Variants in DHCR24 observed in about 807,000 individuals in gnomAD.
DHCR24 encodes delta(24)-sterol reductase.
In DHCR24, 28 loss-of-function variants were observed where a neutral mutation model predicts 61.2. That is an observed-to-expected ratio of 0.46 (90% confidence interval 0.34 to 0.63). DHCR24 has a LOEUF of 0.63. Among genes scored for constraint, DHCR24 ranks in the 20% least tolerant of loss-of-function variants. The probability of loss-of-function intolerance (pLI) is 0.01; values close to 1 mark genes in which losing one functional copy is unlikely to be tolerated. For missense variants in DHCR24, 538 were observed against 679.1 expected (o/e 0.79, Z 2.31); for synonymous variants, 261 against 275.9 (o/e 0.95, Z 0.54).
chr1:54,883,529 C>G lies in DHCR24; in HGVS notation c.387+89G>C, dbSNP rs1252649973. 3.3e-6 allele frequency: 5 copies of G among 1,529,986 alleles called. No individual in the cohort carries two copies. Among genetic ancestry groups the G allele is most frequent in the Non-Finnish European group, 3.6e-6 (4 of 1,105,398 alleles). The allele number at this position is 1,529,986 out of a possible 1,614,324, so 94.8% of individuals were successfully genotyped here. ...CATTGGTCCTGTCCACTCTGCAATGCCCTTGGCTAAAATCATCTCCCTATG... is the reference window on the plus strand; with the variant it reads ...CATTGGTCCTGTCCACTCTGCAATGGCCTTGGCTAAAATCATCTCCCTATG... On this transcript the variant is annotated intron_variant, in intron 2 of 8. Coordinates refer to ENST00000371269, the MANE Select transcript of DHCR24 (RefSeq NM_014762.4). The surrounding 1 kb of genome is among the most constrained non-coding windows in gnomAD (Gnocchi z 4.3).
intron 6 of DHCR24, among the ~76,000 whole-genome samples, chr1:54,861,400 A>G (rs1049556033): frequency 2.0e-5 from 3 of 152,086 alleles, no homozygotes; most frequent in African/African-American, 4.8e-5. Flanking sequence ...ACCCTGCCCT[A>G]CATTCACAGT....
intron 1 of DHCR24, among the ~76,000 whole-genome samples, chr1:54,886,463 C>T (rs997391929): frequency 2.0e-5 from 3 of 152,214 alleles, no homozygotes; most frequent in African/African-American, 7.2e-5. Flanking sequence ...CCCGCCCCTG[C>T]CCTGCACTTG....
chr1:54,871,056 C>G (rs1395857569), intron 5 of DHCR24, among the ~76,000 whole-genome samples: 1 of 152,230 alleles, frequency 6.6e-6, no homozygotes, highest in East Asian at 1.9e-4. Flanking sequence ...TACATTACCT[C>G]TTGAAGACTC....
intron 6 of DHCR24, among the ~76,000 whole-genome samples, chr1:54,859,939 G>T (rs1362924565): frequency 6.6e-6 from 1 of 152,168 alleles, no homozygotes; most frequent in Non-Finnish European, 1.5e-5. Context: ...GATCAAGAAG[G>T]ACTCATAGTG....
intron 4 of DHCR24, among the ~76,000 whole-genome samples, chr1:54,872,405 C>A (rs1034549455): frequency 1.3e-5 from 2 of 152,016 alleles, no homozygotes; most frequent in Non-Finnish European, 1.5e-5. Flanking sequence ...TTGAAAAAGT[C>A]CAGCCATGTC....
intron 2 of DHCR24, among the ~76,000 whole-genome samples, chr1:54,880,388 G>C (rs1647057679): frequency 1.3e-5 from 2 of 152,180 alleles, no homozygotes; most frequent in South Asian, 4.1e-4. Context: ...TCACTTTAAG[G>C]TTTCTATAAA....
At chr1:54,882,279 G>A (rs1269450698) in intron 2 of DHCR24, among the ~76,000 whole-genome samples, 1 of 152,140 alleles carries the variant, frequency 6.6e-6, no homozygotes, top group Non-Finnish European at 1.5e-5. Context: ...AGGGAAATGT[G>A]AATTAAAATT....
At position 54,849,949 on chromosome 1, in the gene DHCR24, T is replaced by C. The variant is rs903271675; in HGVS notation, c.*2284A>G. 4 of 152,592 alleles carry C rather than the reference T, an allele frequency of 2.6e-5. No individual in the cohort carries two copies. The highest frequency in any genetic ancestry group is 7.2e-5 in the African/African-American group (3 of 41,460). The allele number at this position is 152,592 out of a possible 1,614,324, so 9.5% of individuals were successfully genotyped here. ...TCTGGAGGGGAGAGCCTTACTCTGATACTTTCCACATGCACTGCCCACTGG... is the reference window on the plus strand; with the variant it reads ...TCTGGAGGGGAGAGCCTTACTCTGACACTTTCCACATGCACTGCCCACTGG... On this transcript the variant is annotated 3_prime_UTR_variant, in exon 9 of 9. Transcript: ENST00000371269.
chr1:54,866,379 C>T (rs1161443584), intron 5 of DHCR24, among the ~76,000 whole-genome samples: 8 of 149,906 alleles, frequency 5.3e-5, no homozygotes, highest in African/African-American at 1.2e-4. Flanking sequence ...GACAGAGTCT[C>T]GCTCTGTCGC....
At chr1:54,886,541 C>G (rs1385865522) in intron 1 of DHCR24, 10 of 1,244,466 alleles carry the variant, frequency 8.0e-6, no homozygotes, top group Non-Finnish European at 1.1e-5. Flanking sequence ...ATTTCCCATA[C>G]TTCCCAATCT....
At chr1:54,872,544 C>T (rs1461403492) in intron 4 of DHCR24, among the ~76,000 whole-genome samples, 4 of 152,126 alleles carry the variant, frequency 2.6e-5, no homozygotes, top group Non-Finnish European at 5.9e-5. Flanking sequence ...TGGCAGAAAC[C>T]TCAGGAACAG....
intron 6 of DHCR24, among the ~76,000 whole-genome samples, chr1:54,856,170 G>A (rs999766724): frequency 2.6e-5 from 4 of 152,140 alleles, no homozygotes; most frequent in Admixed American, 2.6e-4. Flanking sequence ...CCACAAATTC[G>A]GCCCACCCTC....
chr1:54,863,559 C>T (rs190078877), intron 6 of DHCR24, among the ~76,000 whole-genome samples: 119 of 152,294 alleles, frequency 7.8e-4, no homozygotes, highest in African/African-American at 2.6e-3. Flanking sequence ...AAGAATGGAG[C>T]CTGGACTCCT....
chr1:54,880,281 G>GA (rs1324439003), intron 2 of DHCR24, among the ~76,000 whole-genome samples: 1 of 152,102 alleles, frequency 6.6e-6, no homozygotes, highest in East Asian at 1.9e-4. Flanking sequence ...GCTAACCCAA[G>GA]AAGAAATAAA....
intron 5 of DHCR24, among the ~76,000 whole-genome samples, chr1:54,866,488 T>C (rs1430151742): frequency 6.6e-6 from 1 of 152,038 alleles, no homozygotes; most frequent in African/African-American, 2.4e-5. Flanking sequence ...AATGGGACCA[T>C]CTTACACGTA....
At position 54,852,284 on chromosome 1, in the gene DHCR24, C is replaced by A; in HGVS notation, c.1500G>T (p.Gln500His). 1 of 1,614,248 alleles carries A rather than the reference C, an allele frequency of 6.2e-7. No individual in the cohort carries two copies. The highest frequency in any genetic ancestry group is 1.1e-5 in the South Asian group (1 of 91,082). ...YHKLREKLGC[Q>H]DAFPEVYDKI... ...TGTCGTACACCTCGGGGAAGGCGTC[C>A]TGGCAACCCAGCTTCTCTCGCAGCT... The change falls in exon 9 of 9, where the codon CAG (glutamine) becomes CAT (histidine). Residue 500 changes from glutamine to histidine, a missense_variant. Gln to His is a conservative substitution (Grantham distance 24). Transcript: ENST00000371269.
At chr1:54,860,966 C>T (rs982679281) in intron 6 of DHCR24, among the ~76,000 whole-genome samples, 13 of 146,918 alleles carry the variant, frequency 8.8e-5, no homozygotes, top group Admixed American at 2.8e-4. Flanking sequence ...CCAGCCTGGG[C>T]GACAGAGCGA....
At chr1:54,861,484 CCT>C (rs1427562989) in intron 6 of DHCR24, among the ~76,000 whole-genome samples, 1 of 152,174 alleles carries the variant, frequency 6.6e-6, no homozygotes, top group Non-Finnish European at 1.5e-5. Context: ...CCTCTAGTCC[CCT>C]GACTTCAATG....
Position 54,876,004 on chromosome 1 carries a change from G to GCAGT in DHCR24, c.427_430dup (p.Ala144AspfsTer16). 1 of 1,613,944 alleles carries GCAGT rather than the reference G, an allele frequency of 6.2e-7. No homozygotes were observed. Among genetic ancestry groups the GCAGT allele is most frequent in the East Asian group, 2.2e-5 (1 of 44,854 alleles). On this transcript the variant is annotated frameshift_variant, in exon 3 of 9. Transcript: ENST00000371269. LOFTEE classifies it high-confidence loss of function. ...AGTCCAGCCAATGGAGGTCAGCAGGGCAGTCACCTGGCCCATGGTCACCAA... is the reference window on the plus strand; with the variant it reads ...AGTCCAGCCAATGGAGGTCAGCAGGGCAGTCAGTCACCTGGCCCATGGTCACCAA...
Sources: gnomAD v4.1 joint callset for allele counts (sites outside exome capture counted in the v4.1 genomes callset) on GRCh38, gnomAD v4.1.1 for gene constraint, Gnocchi (gnomAD v3.1) non-coding constraint, MANE v1.5 for transcripts, NCBI Gene and HGNC (gene_info 2026-07-23, HGNC 2026-07-21) for gene names.